Variants in ZNF385D observed in about 807,000 individuals in gnomAD.
ZNF385D encodes zinc finger protein 659.
Under a neutral mutation model 35.8 loss-of-function variants are expected in ZNF385D, and 15 were observed. That is an observed-to-expected ratio of 0.42 (90% CI 0.28 to 0.64). ZNF385D has a LOEUF of 0.64. Among genes scored for constraint, ZNF385D ranks in the 30% least tolerant of loss-of-function variants. The pLI is 0.23. For synonymous variants in ZNF385D, 212 were observed against 186.8 expected, an observed-to-expected ratio of 1.13 and a Z score of -1.10; for missense variants, 474 against 494.6, an observed-to-expected ratio of 0.96 and a Z score of 0.39.
At chr3:21,982,726 T>C (rs765418989) in intron 3 of ZNF385D, among the ~76,000 whole-genome samples, 5 of 152,192 alleles carry the variant, frequency 3.3e-5, no homozygotes, top group Non-Finnish European at 5.9e-5. Flanking sequence ...GGATTTGTCA[T>C]AGATGGCTCT....
intron 3 of ZNF385D, among the ~76,000 whole-genome samples, chr3:21,848,314 G>A (rs966021115): frequency 6.6e-6 from 1 of 151,804 alleles, no homozygotes; most frequent in Admixed American, 6.6e-5. Flanking sequence ...ACATGGGAGT[G>A]GTCATATCTC....
At chr3:21,518,417 T>C (rs1470677900) in intron 3 of ZNF385D, among the ~76,000 whole-genome samples, 1 of 152,206 alleles carries the variant, frequency 6.6e-6, no homozygotes, top group East Asian at 1.9e-4. Context: ...AAGGTAATTA[T>C]TGTCGCAGGA....
chr3:21,867,461 G>C (rs892947036), intron 3 of ZNF385D, among the ~76,000 whole-genome samples: 1 of 152,116 alleles, frequency 6.6e-6, no homozygotes, highest in Non-Finnish European at 1.5e-5. Context: ...TACTTTAGGA[G>C]TCTGTATTTC....
chr3:21,576,606 A>T (rs2063502870), intron 2 of ZNF385D, among the ~76,000 whole-genome samples: 2 of 152,124 alleles, frequency 1.3e-5, no homozygotes, highest in African/African-American at 4.8e-5. Context: ...CAATTTTAGA[A>T]CTCATCCATG....
chr3:21,429,628 C>T (rs1420657856), intron 5 of ZNF385D, among the ~76,000 whole-genome samples: 2 of 151,854 alleles, frequency 1.3e-5, no homozygotes, highest in Non-Finnish European at 1.5e-5. Context: ...ATTCACAGTG[C>T]CAAATTATTT....
intron 3 of ZNF385D, among the ~76,000 whole-genome samples, chr3:21,814,580 C>G (rs950850750): frequency 2.0e-5 from 3 of 152,020 alleles, no homozygotes; most frequent in African/African-American, 7.2e-5. Flanking sequence ...TCAAAAGAGA[C>G]AAAGAAGGCC....
chr3:22,355,866 CAATTT>C (rs1341565734), intron 2 of ZNF385D, among the ~76,000 whole-genome samples: 1 of 151,810 alleles, frequency 6.6e-6, no homozygotes, highest in African/African-American at 2.4e-5. Flanking sequence ...TAACAAAGAA[CAATTT>C]ATTTTCAGGT....
At chr3:21,722,397 G>C (rs909765405) in intron 1 of ZNF385D, among the ~76,000 whole-genome samples, 1 of 152,170 alleles carries the variant, frequency 6.6e-6, no homozygotes, top group African/African-American at 2.4e-5. Context: ...AACCACCAAA[G>C]CTTGTAACTA....
At chr3:21,991,947 G>A (rs1258255215) in intron 3 of ZNF385D, among the ~76,000 whole-genome samples, 1 of 152,154 alleles carries the variant, frequency 6.6e-6, no homozygotes, top group Non-Finnish European at 1.5e-5. Flanking sequence ...TCCATGGCCA[G>A]ACCACCTGGG....
At chr3:22,267,832 C>A (rs1700973429) in intron 2 of ZNF385D, among the ~76,000 whole-genome samples, 1 of 151,902 alleles carries the variant, frequency 6.6e-6, no homozygotes, top group Non-Finnish European at 1.5e-5. Context: ...TCAATGTACA[C>A]TTTTCATATT....
At chr3:21,738,320 C>T (rs944047072) in intron 1 of ZNF385D, among the ~76,000 whole-genome samples, 2 of 152,196 alleles carry the variant, frequency 1.3e-5, no homozygotes, top group African/African-American at 4.8e-5. Flanking sequence ...TGGGTATGAT[C>T]TGACTTGGCC....
At chr3:22,295,694 A>G (rs977927503) in intron 2 of ZNF385D, among the ~76,000 whole-genome samples, 2 of 152,142 alleles carry the variant, frequency 1.3e-5, no homozygotes, top group African/African-American at 4.8e-5. Flanking sequence ...CCCCCTTTTG[A>G]TTACTTTATA....
intron 2 of ZNF385D, among the ~76,000 whole-genome samples, chr3:22,197,704 T>G (rs1207650177): frequency 6.6e-6 from 1 of 152,072 alleles, no homozygotes; most frequent in Non-Finnish European, 1.5e-5. Context: ...ATGCTCTGCT[T>G]ATAATAGCAG....
At position 22,142,065 on chromosome 3, in the gene ZNF385D, GAGA is replaced by G. The variant is rs1298350548; in HGVS notation, c.325+26749_325+26751del. On this transcript the variant is annotated intron_variant, in intron 3 of 5. Transcript: ENST00000494108. ...AGTTTATTGTGAGTAACTGAAACAT[GAGA>G]AGAAGACTGTAATTCTCAGGCACAA... is the stretch of plus-strand genomic sequence containing the variant. 5.9e-5 allele frequency among the ~76,000 whole-genome samples: 9 copies of G among 152,286 alleles called. No individual in the cohort carries two copies. In the East Asian group the frequency reaches 1.2e-3, roughly 20 times the overall value.
chr3:21,877,478 A>G (rs1219694747), intron 3 of ZNF385D, among the ~76,000 whole-genome samples: 1 of 152,116 alleles, frequency 6.6e-6, no homozygotes, highest in Non-Finnish European at 1.5e-5. Context: ...ACACTTTGGT[A>G]GTTATTTAAA....
intron 2 of ZNF385D, among the ~76,000 whole-genome samples, chr3:22,210,874 A>C (rs1176549543): frequency 1.3e-5 from 2 of 151,934 alleles, no homozygotes; most frequent in East Asian, 3.9e-4. Context: ...TCTAAACATC[A>C]ATTTCATCAA....
Position 22,022,407 on chromosome 3 carries a change from T to C in ZNF385D, c.325+146410A>G, listed in dbSNP as rs182570476. ...AAAAGATCAGCTCTAATCTTTCAACTTGGAGTTATTCTATGAAATTTCTAC... is the reference window on the plus strand; with the variant it reads ...AAAAGATCAGCTCTAATCTTTCAACCTGGAGTTATTCTATGAAATTTCTAC... On this transcript the variant is annotated intron_variant, in intron 3 of 5. Coordinates refer to the ZNF385D transcript ENST00000494108. 2.8e-3 allele frequency among the ~76,000 whole-genome samples: 422 copies of C among 152,246 alleles called. 4 individuals are homozygous for C. Among genetic ancestry groups the C allele is most frequent in the African/African-American group, 9.6e-3 (398 of 41,556 alleles).
At chr3:22,199,161 T>C (rs568686948) in intron 2 of ZNF385D, among the ~76,000 whole-genome samples, 7 of 152,180 alleles carry the variant, frequency 4.6e-5, no homozygotes, top group African/African-American at 1.7e-4. Flanking sequence ...CATCTCCACA[T>C]TGTTTTTGCC....
intron 1 of ZNF385D, among the ~76,000 whole-genome samples, chr3:21,745,495 T>A (rs2069724466): frequency 6.6e-6 from 1 of 152,212 alleles, no homozygotes; most frequent in Admixed American, 6.5e-5. Flanking sequence ...GAGCAAAGCA[T>A]CTTCCTATTT....
Sources: allele counts gnomAD v4.1 joint callset (sites outside exome capture counted in the v4.1 genomes callset), GRCh38; gene constraint gnomAD v4.1.1; transcripts MANE v1.5; gene names NCBI Gene and HGNC (gene_info 2026-07-23, HGNC 2026-07-21).